The following ASCL3 variants were observed in gnomAD, a reference collection of about 807,000 sequenced individuals.
ASCL3 encodes achaete-scute family bHLH transcription factor 3, also known as achaete-scute homolog 3.
Under a neutral mutation model 2.3 loss-of-function variants are expected in ASCL3, and 1 was observed. The observed-to-expected ratio is 0.44, with a 90% CI of 0.16 to 2.10. ASCL3 has a LOEUF of 2.10. Among genes scored for constraint, ASCL3 ranks in the 30% most tolerant of loss-of-function variants. The probability of loss-of-function intolerance (pLI) is 0.28; values close to 1 mark genes in which losing one functional copy is unlikely to be tolerated. For synonymous variants in ASCL3, 98 were observed against 88.5 expected, an observed-to-expected ratio of 1.11 and a Z score of -0.60; for missense variants, 243 against 229.0, an observed-to-expected ratio of 1.06 and a Z score of -0.40.
At chr11:8,938,208 A>G (rs2064689924) in intron 1 of ASCL3, 35 bp from the exon 2 acceptor site, 1 of 1,472,746 alleles carries the variant, frequency 6.8e-7, no homozygotes, top group Non-Finnish European at 9.2e-7. Flanking sequence ...ATGTGGTCAG[A>G]TAGAGAGCAG....
Position 8,938,087 on chromosome 11 carries a change from C to T in ASCL3, c.75G>A (p.Leu25=), listed in dbSNP as rs1269355784. Residue 25 remains leucine (L), a synonymous_variant, in exon 2 of 2, where the codon CTG becomes CTA. Transcript: ENST00000531618. ...PIFPDSARLP[L]TRSFYLEPMV... ...TGGGCTCCAGATAGAAGGACCTGGT[C>T]AGTGGCAAGCGGGCAGAATCAGGGA... 1.2e-6 allele frequency: 2 copies of T among 1,613,898 alleles called. No homozygotes were observed. The highest frequency in any genetic ancestry group is 1.7e-5 in the Admixed American group (1 of 60,000).
intron 1 of ASCL3, 157 bp from the exon 2 acceptor site, chr11:8,938,330 A>G (rs1023718878): frequency 8.5e-6 from 5 of 586,632 alleles, no homozygotes; most frequent in African/African-American, 1.9e-5. Context: ...GCTCACTGCA[A>G]CTTCTGCCTC....
rs4909951 is a variant in ASCL3, at chr11:8,937,998, C to T, written c.164G>A (p.Arg55Gln). 2.3e-5 allele frequency: 37 copies of T among 1,613,764 alleles called. No homozygotes were observed. In the African/African-American group the frequency reaches 3.3e-4, roughly 15 times the overall value. Reference sequence around the variant, plus strand: ...AAGAGAGTCGCTGGGAAAAGGCAGCCGTGGCAGCTCCTCAGAGTAAGGGGA... The same window carrying T: ...AAGAGAGTCGCTGGGAAAAGGCAGCTGTGGCAGCTCCTCAGAGTAAGGGGA... Reference protein sequence around the residue: ...VSSPYSEELPRLPFPSDSLIL... With the variant: ...VSSPYSEELPQLPFPSDSLIL... Residue 55 changes from arginine (R) to glutamine (Q), a missense_variant, in exon 2 of 2, where the codon CGG (arginine) becomes CAG (glutamine). Arg to Gln is a conservative substitution (Grantham distance 43). Transcript: ENST00000531618.
intron 1 of ASCL3, among the ~76,000 whole-genome samples, chr11:8,940,198 C>A (rs1276317033): frequency 8.3e-6 from 1 of 120,406 alleles, no homozygotes. Flanking sequence ...TGATTTTAAA[C>A]CTCCTAGCTT....
rs772527047 is a variant in ASCL3 at position 8,937,886 on chromosome 11, T to A, written c.276A>T (p.Pro92=). The A allele has an allele frequency of 6.2e-7, 1 of 1,614,134 alleles. No homozygotes were observed. The highest frequency in any genetic ancestry group is 1.1e-5 in the South Asian group (1 of 91,084). ...GCTCATTCCTTTTCCGGGTGAAGGC[T>A]GGCCCGTAGGAGTACTCGCACCCTC... The part of the protein sequence containing the change: ...NYRGCEYSYG[P]AFTRKRNERE... The change falls in exon 2 of 2, where the codon CCA becomes CCT. Residue 92 remains proline (P), a synonymous_variant. Coordinates refer to ENST00000531618, the MANE Select transcript of ASCL3 (RefSeq NM_020646.3).
Position 8,937,766 on chromosome 11 carries a change from C to T in ASCL3, c.396G>A (p.Val132=). Reference sequence around the variant, plus strand: ...ACTTGATCGCAGCTCTGAGGGTTTCCACTTTGCTGAGTCGCTTCTCCAAAT... The same window carrying T: ...ACTTGATCGCAGCTCTGAGGGTTTCTACTTTGCTGAGTCGCTTCTCCAAAT... The part of the protein sequence containing the change: ...EEYLEKRLSK[V]ETLRAAIKYI... Residue 132 remains valine, a synonymous_variant, in exon 2 of 2, where the codon GTG becomes GTA. Transcript: ENST00000531618. 1 of 1,614,076 alleles carries T rather than the reference C, an allele frequency of 6.2e-7. No homozygotes were observed. The highest frequency in any genetic ancestry group is 8.5e-7 in the Non-Finnish European group (1 of 1,179,986).
At position 8,937,889 on chromosome 11, in the gene ASCL3, C is replaced by A; in HGVS notation, c.273G>T (p.Gly91=). 5 of 1,614,126 alleles carry A rather than the reference C, an allele frequency of 3.1e-6. No homozygotes were observed. Among genetic ancestry groups the A allele is most frequent in the Non-Finnish European group, 3.4e-6 (4 of 1,180,018 alleles). The change falls in exon 2 of 2, where the codon GGG becomes GGT. Residue 91 remains glycine, a synonymous_variant. Coordinates refer to ENST00000531618, the MANE Select transcript of ASCL3 (RefSeq NM_020646.3). ...CATTCCTTTTCCGGGTGAAGGCTGG[C>A]CCGTAGGAGTACTCGCACCCTCTGT... ...PNYRGCEYSY[G]PAFTRKRNER...
chr11:8,942,883 G>A (rs564386963), intron 1 of ASCL3, among the ~76,000 whole-genome samples, 103 bp downstream of exon 1: 3 of 152,066 alleles, frequency 2.0e-5, no homozygotes, highest in Non-Finnish European at 2.9e-5. Context: ...GGAATAATCC[G>A]ATAGCTGACA....
chr11:8,937,993 G>GCAGC lies in ASCL3; in HGVS notation c.165_168dup (p.Pro57AlafsTer15), dbSNP rs2064688387. On this transcript the variant is annotated frameshift_variant, in exon 2 of 2. Coordinates refer to ENST00000531618, the MANE Select transcript of ASCL3 (RefSeq NM_020646.3). LOFTEE classifies it high-confidence loss of function. The stretch of plus-strand genomic sequence containing the variant: ...AGGATAAGAGAGTCGCTGGGAAAAG[G>GCAGC]CAGCCGTGGCAGCTCCTCAGAGTAA... The GCAGC allele has an allele frequency of 6.2e-7, 1 of 1,613,852 alleles. No individual in the cohort carries two copies. Among genetic ancestry groups the GCAGC allele is most frequent in the Non-Finnish European group, 8.5e-7 (1 of 1,179,912 alleles).
In ASCL3 at chr11:8,937,825, AG is replaced by A. The variant is rs750848477; in HGVS notation, c.336del (p.Tyr113ThrfsTer54). The A allele has an allele frequency of 1.2e-6, 2 of 1,614,140 alleles. No homozygotes were observed. Among genetic ancestry groups the A allele is most frequent in the South Asian group, 2.2e-5 (2 of 91,084 alleles). ...ERQRVKCVNE[G>X]YAQLRHHLPE... ...GGCAGATGATGGCGGAGCTGGGCGT[AG>A]CCTTCATTGACACATTTCACCCGCT... On this transcript the variant is annotated frameshift_variant, in exon 2 of 2. Coordinates refer to ENST00000531618, the MANE Select transcript of ASCL3 (RefSeq NM_020646.3). LOFTEE classifies it high-confidence loss of function.
intron 1 of ASCL3, among the ~76,000 whole-genome samples, chr11:8,939,093 A>G (rs1389811592): frequency 1.3e-5 from 2 of 151,982 alleles, no homozygotes; most frequent in East Asian, 3.9e-4. Flanking sequence ...ACAGGAAGCC[A>G]CCGTGCCTGG....
At chr11:8,941,450 A>T (rs1853694422) in intron 1 of ASCL3, among the ~76,000 whole-genome samples, 1 of 152,060 alleles carries the variant, frequency 6.6e-6, no homozygotes, top group African/African-American at 2.4e-5. Context: ...AGCAGGCTGC[A>T]CTGTGTAGTG....
At position 8,937,893 on chromosome 11, in the gene ASCL3, T is replaced by A. The variant is rs1032545530; in HGVS notation, c.269A>T (p.Tyr90Phe). 6.2e-7 allele frequency: 1 copy of A among 1,613,950 alleles called. No individual in the cohort carries two copies. The highest frequency in any genetic ancestry group is 1.3e-5 in the African/African-American group (1 of 74,898). ...CCTTTTCCGGGTGAAGGCTGGCCCG[T>A]AGGAGTACTCGCACCCTCTGTAATT... ...YPNYRGCEYSYGPAFTRKRNE... is the reference protein window; with the variant it reads ...YPNYRGCEYSFGPAFTRKRNE... Residue 90 changes from tyrosine (Y) to phenylalanine (F), a missense_variant, in exon 2 of 2, where the codon TAC becomes TTC. Tyr to Phe is a conservative substitution (Grantham distance 22). Coordinates refer to ENST00000531618, the MANE Select transcript of ASCL3 (RefSeq NM_020646.3).
chr11:8,938,117 A>G lies in ASCL3; in HGVS notation c.45T>C (p.Pro15=), dbSNP rs2064689427. ...GCAAGCGGGCAGAATCAGGGAAGAT[A>G]GGAAGTTTGTCAGGTAGACTAGAGT... The part of the protein sequence containing the change: ...RGNSSLPDKL[P]IFPDSARLPL... The change falls in exon 2 of 2, where the codon CCT becomes CCC. Residue 15 remains proline, a synonymous_variant. Coordinates refer to ENST00000531618, the MANE Select transcript of ASCL3 (RefSeq NM_020646.3). The G allele has an allele frequency of 6.2e-7, 1 of 1,612,152 alleles. No individual in the cohort carries two copies. Among genetic ancestry groups the G allele is most frequent in the African/African-American group, 1.3e-5 (1 of 74,988 alleles).
intron 1 of ASCL3, among the ~76,000 whole-genome samples, 108 bp downstream of exon 1, chr11:8,942,878 A>G (rs1272095024): frequency 6.6e-6 from 1 of 152,168 alleles, no homozygotes; most frequent in Non-Finnish European, 1.5e-5. Context: ...ATAATGGAAT[A>G]ATCCGATAGC....
Position 8,938,078 on chromosome 11 carries a change from G to A in ASCL3, c.84C>T (p.Ser28=), listed in dbSNP as rs764929260. 12 of 1,613,916 alleles carry A rather than the reference G, an allele frequency of 7.4e-6. No homozygotes were observed. Among genetic ancestry groups the A allele is most frequent in the Middle Eastern group, 1.6e-4 (1 of 6,084 alleles). ...AAGTGACCATGGGCTCCAGATAGAA[G>A]GACCTGGTCAGTGGCAAGCGGGCAG... ...PDSARLPLTR[S]FYLEPMVTFH... is the part of the protein sequence containing the mutation. Residue 28 remains serine (S), a synonymous_variant, in exon 2 of 2, where the codon TCC becomes TCT. Transcript: ENST00000531618.
At chr11:8,941,127 A>G (rs1039365680) in intron 1 of ASCL3, among the ~76,000 whole-genome samples, 3 of 152,120 alleles carry the variant, frequency 2.0e-5, no homozygotes, top group African/African-American at 7.2e-5. Flanking sequence ...GTTTTCCTTA[A>G]CACTGTAGAG....
rs199698276 is a variant in ASCL3 at position 8,938,031 on chromosome 11, G to A, written c.131C>T (p.Pro44Leu). 1.9e-5 allele frequency: 30 copies of A among 1,613,420 alleles called. No individual in the cohort carries two copies. Among genetic ancestry groups the A allele is most frequent in the East Asian group, 2.2e-5 (1 of 44,864 alleles). ...CTCCTCAGAGTAAGGGGATGACACC[G>A]GGGCCTCTGGGTGCACGTGGAAAGT... Reference protein sequence around the residue: ...MVTFHVHPEAPVSSPYSEELP... With the variant: ...MVTFHVHPEALVSSPYSEELP... The change falls in exon 2 of 2, where the codon CCG (proline) becomes CTG (leucine). Residue 44 changes from proline (P) to leucine (L), a missense_variant. Coordinates refer to ENST00000531618, the MANE Select transcript of ASCL3 (RefSeq NM_020646.3).
chr11:8,937,594 A>G lies in ASCL3; in HGVS notation c.*22T>C. On this transcript the variant is annotated 3_prime_UTR_variant, in exon 2 of 2. Coordinates refer to ENST00000531618, the MANE Select transcript of ASCL3 (RefSeq NM_020646.3). Reference sequence around the variant, plus strand: ...GAGACCCCATTTTGTGATATTATTCATTTCTATTTGGAAACAGCAACTCAA... The same window carrying G: ...GAGACCCCATTTTGTGATATTATTCGTTTCTATTTGGAAACAGCAACTCAA... 3 of 1,586,894 alleles carry G rather than the reference A, an allele frequency of 1.9e-6. No homozygotes were observed. Among genetic ancestry groups the G allele is most frequent in the Non-Finnish European group, 2.6e-6 (3 of 1,164,916 alleles).
Sources: gnomAD v4.1 joint callset for allele counts (sites outside exome capture counted in the v4.1 genomes callset) on GRCh38, gnomAD v4.1.1 for gene constraint, MANE v1.5 for transcripts, NCBI Gene and HGNC (gene_info 2026-07-23, HGNC 2026-07-21) for gene names.